PNPLA7: variants seen among roughly 807,000 people sequenced by gnomAD.
The protein encoded by PNPLA7 is patatin like domain 7, lysophospholipase, also known as patatin-like phospholipase domain-containing protein 7.
A neutral mutation model predicts 161.7 loss-of-function variants in PNPLA7; 153 were observed. The observed-to-expected ratio is 0.95, with a 90% CI of 0.83 to 1.08. PNPLA7 has a LOEUF of 1.08. PNPLA7 is among the 50% of genes least tolerant of loss of function. The pLI, the probability that PNPLA7 is intolerant of heterozygous loss-of-function variation, is 0.00. For synonymous variants in PNPLA7, 809 were observed against 782.1 expected, an observed-to-expected ratio of 1.03 and a Z score of -0.57; for missense variants, 1,739 against 1,856.6, an observed-to-expected ratio of 0.94 and a Z score of 1.16.
At chr9:137,483,014 A>C (rs1367096210) in intron 21 of PNPLA7, among the ~76,000 whole-genome samples, 1 of 152,130 alleles carries the variant, frequency 6.6e-6, no homozygotes, top group East Asian at 1.9e-4. Context: ...CTGGGACTAC[A>C]GGAGCCTGCC....
At chr9:137,504,686 C>G (rs1054955560) in intron 14 of PNPLA7, among the ~76,000 whole-genome samples, 1 of 152,008 alleles carries the variant, frequency 6.6e-6, no homozygotes, top group Non-Finnish European at 1.5e-5. Context: ...CAGAACGACA[C>G]CGTGGTGATG....
rs1161753846 is a variant in PNPLA7 at position 137,537,163 on chromosome 9, AACTTT to A, written c.747+3474_747+3478del. On this transcript the variant is annotated intron_variant, in intron 8 of 34. Coordinates refer to ENST00000406427, the MANE Select transcript of PNPLA7 (RefSeq NM_001098537.3). The surrounding 1 kb of genome is among the most constrained non-coding windows in gnomAD (Gnocchi z 4.5). ...GGGGACAGACGGCCACTGTTGATAA[AACTTT>A]AAGTATGTTTTTAGAATCTGTCCAT... Among the ~76,000 whole-genome samples the A allele has an allele frequency of 6.6e-6, 1 of 152,212 alleles. No homozygotes were observed. The highest frequency in any genetic ancestry group is 1.5e-5 in the Non-Finnish European group (1 of 68,046).
chr9:137,550,121 GC>G (rs763495223), intron 1 of PNPLA7, 46 bp downstream of exon 1: 2 of 1,609,990 alleles, frequency 1.2e-6, no homozygotes, highest in African/African-American at 2.7e-5. Context: ...GTCCAGAAAT[GC>G]CCCCCAACTG....
intron 20 of PNPLA7, chr9:137,492,345 G>C: frequency 1.0e-6 from 1 of 983,940 alleles, no homozygotes; most frequent in South Asian, 4.7e-5. Context: ...AAATAGGAGG[G>C]AGATATATCA....
intron 33 of PNPLA7, chr9:137,461,249 G>A: frequency 2.4e-6 from 1 of 419,504 alleles, no homozygotes; most frequent in South Asian, 3.4e-5. Context: ...CCACTGGGTG[G>A]GGTGGGAGGC....
Position 137,497,224 on chromosome 9 carries a change from A to T in PNPLA7, c.1976T>A (p.Leu659Gln). The T allele has an allele frequency of 6.3e-7, 1 of 1,589,192 alleles. No individual in the cohort carries two copies. Among genetic ancestry groups the T allele is most frequent in the Non-Finnish European group, 8.6e-7 (1 of 1,169,006 alleles). The change falls in exon 18 of 35, where the codon CTG becomes CAG. Residue 659 changes from leucine to glutamine, a missense_variant. Transcript: ENST00000406427. ...GTCTCCTCGGCCGTACTCCCCGGCC[A>T]GGCGCTTCTTCCCATCATCCTTCCG... is the stretch of plus-strand genomic sequence containing the variant. ...VIRKDDGKKR[L>Q]AGEYGRGDLV...
chr9:137,479,371 G>C (rs1418027770), intron 23 of PNPLA7, 133 bp from the exon 24 acceptor site: 4 of 1,353,736 alleles, frequency 3.0e-6, no homozygotes, highest in Middle Eastern at 2.6e-4. Context: ...AAGCAACTTG[G>C]CTGTGGCCTG....
At position 137,481,012 on chromosome 9, in the gene PNPLA7, G is replaced by A. The variant is rs1196769565; in HGVS notation, c.2359C>T (p.Leu787=). ...HALSAIGPTL[L]LTSDNIKRRL... is the part of the protein sequence containing the mutation. ...CGTTTTATGTTGTCACTAGTCAGCA[G>A]CAGGGTCGGGCCTGAAAACACCACC... The change falls in exon 22 of 35, where the codon CTG becomes TTG. Residue 787 remains leucine, a synonymous_variant. Transcript: ENST00000406427. 2 of 1,551,688 alleles carry A rather than the reference G, an allele frequency of 1.3e-6. No homozygotes were observed. The highest frequency in any genetic ancestry group is 1.7e-6 in the Non-Finnish European group (2 of 1,146,968).
At chr9:137,478,960 G>T (rs1294029644) in intron 24 of PNPLA7, 96 bp downstream of exon 24, 31 of 1,395,770 alleles carry the variant, frequency 2.2e-5, no homozygotes, top group Non-Finnish European at 3.0e-5. Flanking sequence ...GAGCGCAGGT[G>T]TCAGGGAATC....
chr9:137,530,552 C>T (rs566397117), intron 8 of PNPLA7, among the ~76,000 whole-genome samples: 10 of 152,322 alleles, frequency 6.6e-5, no homozygotes, highest in African/African-American at 2.2e-4. Context: ...GGCGGCTCCA[C>T]GATGACTATC....
rs1381709767 is a variant in PNPLA7 at position 137,523,000 on chromosome 9, A to C, written c.748-143T>G. ...TTCTCCCTCCCAGGCTGGGCTGTGC[A>C]AAGTGCTGCTTTTGGCACCAGCTGC... On this transcript the variant is annotated intron_variant, in intron 8 of 34. Coordinates refer to ENST00000406427, the MANE Select transcript of PNPLA7 (RefSeq NM_001098537.3). 4 of 1,203,034 alleles carry C rather than the reference A, an allele frequency of 3.3e-6. No individual in the cohort carries two copies. In the African/African-American group the frequency reaches 4.6e-5, roughly 14 times the overall value. 74.5% of individuals were successfully genotyped at this position (1,203,034 alleles called of 1,614,324 possible).
Position 137,497,411 on chromosome 9 carries a change from T to C in PNPLA7, c.1890-101A>G, listed in dbSNP as rs148260126. ...AGACTCAGGATGGAGAAAAAGAAAA[T>C]GCAGGCTTCTCACTATCTTATTTTT... On this transcript the variant is annotated intron_variant, in intron 17 of 34. Coordinates refer to ENST00000406427, the MANE Select transcript of PNPLA7 (RefSeq NM_001098537.3). 5.7e-4 allele frequency: 650 copies of C among 1,146,390 alleles called. 4 individuals are homozygous for C. The African/African-American group carries it at 9.8e-3, about 17-fold the overall frequency. 71.0% of individuals were successfully genotyped at this position (1,146,390 alleles called of 1,614,324 possible). A position where few individuals can be genotyped will look rare whatever the true frequency, so the allele number is the denominator to read the frequency against.
In PNPLA7 at chr9:137,542,754, T is replaced by C; in HGVS notation, c.554A>G (p.His185Arg). Reference sequence around the variant, plus strand: ...TTCCTGCAGCTGCACAAAGACGATGTGTTTGCAAAGCTCCAGGAACAGCGG... The same window carrying C: ...TTCCTGCAGCTGCACAAAGACGATGCGTTTGCAAAGCTCCAGGAACAGCGG... ...EKPLFLELCKHIVFVQLQEGE... is the reference protein window; with the variant it reads ...EKPLFLELCKRIVFVQLQEGE... Residue 185 changes from histidine to arginine, a missense_variant, in exon 7 of 35, where the codon CAC (histidine) becomes CGC (arginine). By Grantham distance (29) the His-to-Arg change is conservative (BLOSUM62 0). Around this residue, in one of 6 missense-constraint regions of PNPLA7, gnomAD observed 209 missense variants for 252.8 expected, o/e 0.83. Coordinates refer to ENST00000406427, the MANE Select transcript of PNPLA7 (RefSeq NM_001098537.3). The C allele has an allele frequency of 6.2e-7, 1 of 1,613,794 alleles. No homozygotes were observed. Among genetic ancestry groups the C allele is most frequent in the South Asian group, 1.1e-5 (1 of 91,064 alleles).
intron 12 of PNPLA7, 63 bp from the exon 13 acceptor site, chr9:137,506,146 G>C: frequency 7.1e-7 from 1 of 1,417,140 alleles, no homozygotes; most frequent in Non-Finnish European, 9.8e-7. Context: ...CGTCCGCGGT[G>C]TGGGCTGAGC....
At chr9:137,504,989 G>A (rs942897214) in intron 14 of PNPLA7, among the ~76,000 whole-genome samples, 1 of 152,088 alleles carries the variant, frequency 6.6e-6, no homozygotes, top group Non-Finnish European at 1.5e-5. Flanking sequence ...AGGAGTTCGA[G>A]ACCAGCCTGG....
chr9:137,479,905 A>G, intron 23 of PNPLA7: 1 of 985,236 alleles, frequency 1.0e-6, no homozygotes, highest in Non-Finnish European at 1.2e-6. Flanking sequence ...GGCATTCACA[A>G]GAGGAAAACT....
chr9:137,465,321 G>A (rs1831411366), intron 26 of PNPLA7, among the ~76,000 whole-genome samples: 1 of 152,158 alleles, frequency 6.6e-6, no homozygotes, highest in South Asian at 2.1e-4. Flanking sequence ...ACACAGCCCC[G>A]GCCTCACCTT....
In PNPLA7 at chr9:137,495,114, G is replaced by T. The variant is rs974580932; in HGVS notation, c.2046C>A (p.Thr682=). Residue 682 remains threonine (T), a synonymous_variant, in exon 19 of 35, where the codon ACC becomes ACA. Coordinates refer to ENST00000406427, the MANE Select transcript of PNPLA7 (RefSeq NM_001098537.3). ...VETLTHQARA[T]TVHAVRDSEL... ...CTGAGTCCCGAACGGCATGCACCGT[G>T]GTCGCCCGGGCCTGGTGGGTCAGTG... 4 of 1,606,686 alleles carry T rather than the reference G, an allele frequency of 2.5e-6. No individual in the cohort carries two copies. Among genetic ancestry groups the T allele is most frequent in the Non-Finnish European group, 2.5e-6 (3 of 1,179,100 alleles).
At chr9:137,506,300 C>A (rs998388183) in intron 12 of PNPLA7, among the ~76,000 whole-genome samples, 2 of 152,196 alleles carry the variant, frequency 1.3e-5, no homozygotes, top group African/African-American at 2.4e-5. Flanking sequence ...GCAGCTTAAA[C>A]CCACACGGTG....
Sources: allele counts gnomAD v4.1 joint callset (sites outside exome capture counted in the v4.1 genomes callset), GRCh38; gene constraint gnomAD v4.1.1; regional missense constraint gnomAD v4.1.1; non-coding constraint Gnocchi (gnomAD v3.1); transcripts MANE v1.5; gene names NCBI Gene and HGNC (gene_info 2026-07-23, HGNC 2026-07-21).